Variants in MATR3 observed in about 807,000 individuals in gnomAD.
The protein encoded by MATR3 is matrin 3.
Under a neutral mutation model 85.5 loss-of-function variants are expected in MATR3, and 4 were observed. The observed-to-expected ratio is 0.05, with a 90% CI of 0.02 to 0.11. MATR3 has a LOEUF of 0.11. Ranked by LOEUF, MATR3 falls within the 10% of genes least tolerant of loss-of-function variation. The pLI, the probability that MATR3 is intolerant of heterozygous loss-of-function variation, is 1.00. For synonymous variants in MATR3, 336 were observed against 343.1 expected, an observed-to-expected ratio of 0.98 and a Z score of 0.23; for missense variants, 685 against 1,016.1, an observed-to-expected ratio of 0.67 and a Z score of 4.43.
intron 10 of MATR3, 147 bp downstream of exon 10, chr5:139,322,176 TC>T: frequency 9.7e-7 from 1 of 1,029,950 alleles, no homozygotes; most frequent in Non-Finnish European, 1.4e-6. Context: ...AACCTTTTTT[TC>T]TGGTCTTTAA....
intron 1 of MATR3, 200 bp downstream of exon 1, chr5:139,294,005 A>C (rs1753991926): frequency 3.1e-6 from 4 of 1,285,306 alleles, no homozygotes; most frequent in Non-Finnish European, 4.0e-6. Flanking sequence ...GTGGCGGCGC[A>C]ACCAGCCTTC....
upstream of MATR3, among the ~76,000 whole-genome samples, chr5:139,289,472 A>G (rs1294053401): frequency 1.3e-5 from 2 of 152,248 alleles, no homozygotes; most frequent in South Asian, 2.1e-4. Context: ...ATACATAAAT[A>G]TATAAATTTC....
At chr5:139,320,761 T>G (rs1755519849) in intron 9 of MATR3, among the ~76,000 whole-genome samples, 1 of 144,802 alleles carries the variant, frequency 6.9e-6, no homozygotes, top group African/African-American at 2.6e-5. Flanking sequence ...TTTTTTTTTT[T>G]TTTTGAGACA....
rs1006131963 is a variant in MATR3, at chr5:139,331,136, G to A, written c.*1741G>A. 4.2e-5 allele frequency: 19 copies of A among 453,948 alleles called. No homozygotes were observed. Among genetic ancestry groups the A allele is most frequent in the Non-Finnish European group, 7.1e-5 (16 of 226,780 alleles). The allele number at this position is 453,948 out of a possible 1,614,324, so 28.1% of individuals were successfully genotyped here. On this transcript the variant is annotated 3_prime_UTR_variant, in exon 15 of 15. Transcript: ENST00000394805. ...CAAAAAAATCTACAAAAACAGGATA[G>A]GCATTGTCTTTCAAATGTTCAGACC...
intron 2 of MATR3, among the ~76,000 whole-genome samples, 154 bp downstream of exon 2, chr5:139,308,481 T>C (rs1345627692): frequency 6.6e-6 from 1 of 152,220 alleles, no homozygotes; most frequent in Admixed American, 6.5e-5. Flanking sequence ...GGTAATTGTT[T>C]TTGAGCATTT....
chr5:139,297,702 G>T (rs1411761802), intron 1 of MATR3, among the ~76,000 whole-genome samples: 2 of 152,138 alleles, frequency 1.3e-5, no homozygotes, highest in South Asian at 4.1e-4. Flanking sequence ...TAATTTTCCA[G>T]TTGTACATCA....
At chr5:139,327,034 CACA>C (rs1177661891) in intron 14 of MATR3, among the ~76,000 whole-genome samples, 1 of 152,020 alleles carries the variant, frequency 6.6e-6, no homozygotes, top group African/African-American at 2.4e-5. Context: ...ATACATAAAC[CACA>C]ACATCACTAA....
Position 139,326,212 on chromosome 5 carries a change from A to T in MATR3, c.2421A>T (p.Ser807=). 2 of 1,612,140 alleles carry T rather than the reference A, an allele frequency of 1.2e-6. No individual in the cohort carries two copies. Among genetic ancestry groups the T allele is most frequent in the Non-Finnish European group, 1.7e-6 (2 of 1,178,608 alleles). Reference sequence around the variant, plus strand: ...CAGGGTTTTACTGTAAGCTGTGTTCACTCTTTTATACAAATGAAGAAGTTG... The same window carrying T: ...CAGGGTTTTACTGTAAGCTGTGTTCTCTCTTTTATACAAATGAAGAAGTTG... ...PKTGFYCKLC[S]LFYTNEEVAK... The change falls in exon 14 of 15, where the codon TCA becomes TCT. Residue 807 remains serine, a synonymous_variant. Transcript: ENST00000394805.
chr5:139,319,297 T>C (rs1240325985), intron 8 of MATR3, 37 bp from the exon 9 acceptor site: 9 of 1,581,212 alleles, frequency 5.7e-6, no homozygotes, highest in Non-Finnish European at 7.8e-6. Context: ...TAATAATTAT[T>C]GCACATTTGT....
chr5:139,302,165 G>T (rs1176378763), intron 1 of MATR3, among the ~76,000 whole-genome samples: 1 of 152,070 alleles, frequency 6.6e-6, no homozygotes, highest in East Asian at 1.9e-4. Context: ...GTTTCACCAT[G>T]TTGGCCGGGC....
At chr5:139,296,358 TTTGA>T (rs1366728122) in intron 1 of MATR3, among the ~76,000 whole-genome samples, 2 of 152,254 alleles carry the variant, frequency 1.3e-5, no homozygotes, top group South Asian at 2.1e-4. Flanking sequence ...GCTAATGTCG[TTTGA>T]TTGTTTTTTA....
chr5:139,292,326 T>C (rs533524952), upstream of MATR3, among the ~76,000 whole-genome samples: 1 of 152,284 alleles, frequency 6.6e-6, no homozygotes, highest in East Asian at 1.9e-4. Flanking sequence ...TAGCCGCCTC[T>C]CAAGGTTATT....
intron 1 of MATR3, among the ~76,000 whole-genome samples, chr5:139,306,824 G>A (rs1353426832): frequency 2.0e-5 from 3 of 152,110 alleles, no homozygotes; most frequent in South Asian, 2.1e-4. Context: ...CCAAAGCACA[G>A]TACAACTGAT....
chr5:139,303,243 A>T (rs1189175102), intron 1 of MATR3, among the ~76,000 whole-genome samples: 1 of 152,136 alleles, frequency 6.6e-6, no homozygotes, highest in Non-Finnish European at 1.5e-5. Context: ...GTGGGACTAC[A>T]GGTGCGTGCC....
chr5:139,315,901 T>C, intron 4 of MATR3, 163 bp downstream of exon 4: 2 of 745,548 alleles, frequency 2.7e-6, no homozygotes, highest in South Asian at 1.6e-5. Context: ...ATATATATTA[T>C]GTAGTAATTT....
At chr5:139,315,086 G>A (rs941471937) in intron 3 of MATR3, 5 of 222,174 alleles carry the variant, frequency 2.3e-5, no homozygotes, top group Admixed American at 5.1e-5. Context: ...TAAAAGATAC[G>A]GAAAAGAGGG....
At chr5:139,324,497 G>A (rs1755744900) in intron 12 of MATR3, among the ~76,000 whole-genome samples, 1 of 151,936 alleles carries the variant, frequency 6.6e-6, no homozygotes, top group Admixed American at 6.6e-5. Context: ...CGCCATGTTG[G>A]CCTGGCTGGT....
At chr5:139,293,968 A>C (rs549219434) in intron 1 of MATR3, 163 bp downstream of exon 1, 7 of 1,260,800 alleles carry the variant, frequency 5.6e-6, no homozygotes, top group East Asian at 6.3e-5. Context: ...GAGCCGCCTG[A>C]TCGGCGGCCG....
Position 139,325,541 on chromosome 5 carries a change from C to T in MATR3, c.2250C>T (p.Asn750=), listed in dbSNP as rs373216736. Residue 750 remains asparagine (N), a synonymous_variant, in exon 13 of 15, where the codon AAC becomes AAT. Transcript: ENST00000394805. ...AACCAGGTGCTGAATCTTCTGAGAA[C>T]GCTGATGATCCCAACAAAGATACAA... ...NTEPGAESSE[N]ADDPNKDTSE... 13 of 1,614,160 alleles carry T rather than the reference C, an allele frequency of 8.1e-6. No homozygotes were observed. The highest frequency in any genetic ancestry group is 2.2e-5 in the East Asian group (1 of 44,892).
Sources: gnomAD v4.1 joint callset for allele counts (sites outside exome capture counted in the v4.1 genomes callset) on GRCh38, gnomAD v4.1.1 for gene constraint, MANE v1.5 for transcripts, NCBI Gene and HGNC (gene_info 2026-07-23, HGNC 2026-07-21) for gene names.